The following FHIT variants were observed in gnomAD, a reference collection of about 807,000 sequenced individuals.
The protein encoded by FHIT is bis(5'-adenosyl)-triphosphatase.
FHIT carries 19 observed loss-of-function variants against 17.9 expected under a neutral mutation model. The observed-to-expected ratio is 1.06, with a 90% CI of 0.74 to 1.56. The LOEUF is 1.56. FHIT is among the 40% of genes most tolerant of loss of function. The probability of loss-of-function intolerance (pLI) is 0.00; values close to 1 mark genes in which losing one functional copy is unlikely to be tolerated. For synonymous variants in FHIT, 81 were observed against 69.7 expected (o/e 1.16, Z -0.81); for missense variants, 248 against 189.2 (o/e 1.31, Z -1.82).
At chr3:60,730,930 C>G (rs2042014591) in intron 4 of FHIT, among the ~76,000 whole-genome samples, 1 of 143,836 alleles carries the variant, frequency 7.0e-6, no homozygotes, top group South Asian at 2.2e-4. Flanking sequence ...TCCAGGCTAA[C>G]ACAGTGAAAC....
chr3:59,801,797 C>G (rs1018265058), intron 8 of FHIT, among the ~76,000 whole-genome samples: 1 of 152,188 alleles, frequency 6.6e-6, no homozygotes, highest in African/African-American at 2.4e-5. Context: ...ACTCGGGTAT[C>G]TGGCCTCCAC....
At chr3:61,249,850 T>C (rs2040570395) in intron 1 of FHIT, among the ~76,000 whole-genome samples, 1 of 151,990 alleles carries the variant, frequency 6.6e-6, no homozygotes, top group Non-Finnish European at 1.5e-5. Flanking sequence ...TTAGTGGTTT[T>C]GGAAGCATGT....
At chr3:60,463,791 T>G (rs903165534) in intron 5 of FHIT, among the ~76,000 whole-genome samples, 7 of 152,224 alleles carry the variant, frequency 4.6e-5, no homozygotes, top group Non-Finnish European at 1.0e-4. Flanking sequence ...AGTGTTAACT[T>G]ATGTAAAATG....
chr3:59,948,791 C>G lies in FHIT; in HGVS notation c.280-26377G>C, dbSNP rs6808425. 7.4e-3 allele frequency among the ~76,000 whole-genome samples: 1,126 copies of G among 152,106 alleles called. 12 individuals carry two copies. Among genetic ancestry groups the G allele is most frequent in the African/African-American group, 0.026 (1,071 of 41,506 alleles). ...TCTTCAATGAAATGTCTATTTATGT[C>G]TTTTGTCCACTCTACTTGTATTGTT... On this transcript the variant is annotated intron_variant, in intron 7 of 9. Coordinates refer to ENST00000492590, the MANE Select transcript of FHIT (RefSeq NM_002012.4).
intron 4 of FHIT, among the ~76,000 whole-genome samples, chr3:60,643,015 G>A (rs1368290980): frequency 3.3e-5 from 5 of 152,124 alleles, no homozygotes; most frequent in African/African-American, 1.2e-4. Context: ...GTTTGATATT[G>A]TCTATCTCCC....
intron 7 of FHIT, among the ~76,000 whole-genome samples, chr3:60,004,042 G>C (rs976129757): frequency 6.6e-6 from 1 of 152,114 alleles, no homozygotes; most frequent in Admixed American, 6.5e-5. Context: ...TCAATGATTA[G>C]TTATTGAGCA....
chr3:61,137,504 G>C (rs12715564), intron 2 of FHIT, among the ~76,000 whole-genome samples: 84,659 of 151,790 alleles, frequency 0.56, 25,430 homozygotes, highest in East Asian at 0.85. Flanking sequence ...TCACTATGCT[G>C]CAATCACTGG....
intron 2 of FHIT, among the ~76,000 whole-genome samples, chr3:61,063,384 C>T (rs978688300): frequency 6.6e-6 from 1 of 152,036 alleles, no homozygotes; most frequent in African/African-American, 2.4e-5. Flanking sequence ...GTGATACTGC[C>T]GGGGCTCAAA....
At chr3:60,321,812 T>A (rs922815280) in intron 5 of FHIT, among the ~76,000 whole-genome samples, 1 of 152,222 alleles carries the variant, frequency 6.6e-6, no homozygotes, top group African/African-American at 2.4e-5. Flanking sequence ...GGGCTTGCTC[T>A]CTGCTTTAAG....
chr3:60,776,724 T>C (rs782614301), intron 4 of FHIT, among the ~76,000 whole-genome samples: 3 of 152,216 alleles, frequency 2.0e-5, no homozygotes, highest in Non-Finnish European at 4.4e-5. Context: ...TAGGAGTTAA[T>C]TGAATCCACT....
At chr3:61,060,173 G>T (rs191370340) in intron 2 of FHIT, among the ~76,000 whole-genome samples, 3 of 151,870 alleles carry the variant, frequency 2.0e-5, no homozygotes, top group Admixed American at 6.6e-5. Flanking sequence ...TATATAGTTC[G>T]CATAGATTTC....
chr3:60,688,912 G>A (rs2040922559), intron 4 of FHIT, among the ~76,000 whole-genome samples: 1 of 151,990 alleles, frequency 6.6e-6, no homozygotes, highest in South Asian at 2.1e-4. Context: ...CCACATCTGT[G>A]GATTCAACCA....
intron 5 of FHIT, among the ~76,000 whole-genome samples, chr3:60,153,234 G>A (rs1700541368): frequency 6.6e-6 from 1 of 152,094 alleles, no homozygotes; most frequent in African/African-American, 2.4e-5. Context: ...AGTGTCTCCA[G>A]TTATTAAGTA....
At chr3:60,627,802 G>A (rs1248913834) in intron 4 of FHIT, among the ~76,000 whole-genome samples, 5 of 152,288 alleles carry the variant, frequency 3.3e-5, no homozygotes, top group Non-Finnish European at 5.9e-5. Context: ...AATTATAGGC[G>A]TGAGCCACTG....
chr3:60,692,595 G>A (rs1413289524), intron 4 of FHIT, among the ~76,000 whole-genome samples: 1 of 152,140 alleles, frequency 6.6e-6, no homozygotes, highest in Non-Finnish European at 1.5e-5. Flanking sequence ...AGGTAGGAAG[G>A]ACAAGGAAAC....
intron 3 of FHIT, among the ~76,000 whole-genome samples, chr3:60,957,351 C>A (rs1364504716): frequency 6.6e-6 from 1 of 151,164 alleles, no homozygotes; most frequent in East Asian, 1.9e-4. Flanking sequence ...GATTCTCCTG[C>A]CTCAGCCTCC....
chr3:61,160,766 T>C (rs75270328), intron 2 of FHIT, among the ~76,000 whole-genome samples: 2 of 152,246 alleles, frequency 1.3e-5, no homozygotes, highest in Non-Finnish European at 2.9e-5. Context: ...GCTATTTCTC[T>C]ACATTTCTCT....
chr3:60,521,042 G>A (rs1373245999), intron 5 of FHIT, among the ~76,000 whole-genome samples: 1 of 151,960 alleles, frequency 6.6e-6, no homozygotes, highest in African/African-American at 2.4e-5. Context: ...TTATTTTAAT[G>A]CCATTTTTAA....
chr3:60,048,958 C>A (rs1159202695), intron 5 of FHIT, among the ~76,000 whole-genome samples: 1 of 152,088 alleles, frequency 6.6e-6, no homozygotes, highest in East Asian at 1.9e-4. Flanking sequence ...TTTGTTTTAA[C>A]CCTGAGTGTC....
Sources: gnomAD v4.1 joint callset for allele counts (sites outside exome capture counted in the v4.1 genomes callset) on GRCh38, gnomAD v4.1.1 for gene constraint, MANE v1.5 for transcripts, NCBI Gene and HGNC (gene_info 2026-07-23, HGNC 2026-07-21) for gene names.